The following DPY19L2 variants were observed in gnomAD, a reference collection of about 807,000 sequenced individuals.
DPY19L2 encodes the protein dpy-19 like 2.
In DPY19L2, 34 loss-of-function variants were observed where a neutral mutation model predicts 97.9. The observed-to-expected ratio is 0.35, with a 90% CI of 0.26 to 0.46. DPY19L2 has a LOEUF of 0.46. Ranked by LOEUF, DPY19L2 falls within the 20% of genes least tolerant of loss-of-function variation. DPY19L2 has a pLI of 1.00. For synonymous variants in DPY19L2, 230 were observed against 307.9 expected (o/e 0.75, Z 2.65); for missense variants, 623 against 911.4 (o/e 0.68, Z 4.07).
intron 21 of DPY19L2, among the ~76,000 whole-genome samples, chr12:63,567,947 A>G (rs1032738200): frequency 7.9e-5 from 12 of 151,898 alleles, no homozygotes; most frequent in Non-Finnish European, 1.3e-4. Flanking sequence ...TGTGACTATA[A>G]TGTTCCTTGC....
In DPY19L2 at chr12:63,619,337, C is replaced by T. The variant is rs962836710; in HGVS notation, c.1054-1109G>A. Among the ~76,000 whole-genome samples the T allele has an allele frequency of 7.2e-5, 11 of 151,922 alleles. No individual in the cohort carries two copies. In the South Asian group the frequency reaches 8.3e-4, roughly 11 times the overall value. ...ATTAACTAATTTTAACCTTAATCTA[C>T]GAAAAACACAATTAAGAATAAAATC... On this transcript the variant is annotated intron_variant, in intron 9 of 21. Coordinates refer to ENST00000324472, the MANE Select transcript of DPY19L2 (RefSeq NM_173812.5).
At position 63,559,892 on chromosome 12, in the gene DPY19L2, T is replaced by C. The variant is rs1044002044; in HGVS notation, c.*620A>G. 2.6e-5 allele frequency: 4 copies of C among 152,022 alleles called. No individual in the cohort carries two copies. Among genetic ancestry groups the C allele is most frequent in the African/African-American group, 4.8e-5 (2 of 41,384 alleles). The allele number at this position is 152,022 out of a possible 1,614,324, so 9.4% of individuals were successfully genotyped here. The stretch of plus-strand genomic sequence containing the variant: ...ATATGTATCTAGTGGGGTAAACACA[T>C]CTCAAGAGATTCAAAACATTACAAA... On this transcript the variant is annotated 3_prime_UTR_variant, in exon 22 of 22. Coordinates refer to ENST00000324472, the MANE Select transcript of DPY19L2 (RefSeq NM_173812.5).
At position 63,624,073 on chromosome 12, in the gene DPY19L2, A is replaced by T; in HGVS notation, c.920T>A (p.Val307Glu). The change falls in exon 8 of 22, where the codon GTA becomes GAA. Residue 307 changes from valine (V) to glutamate (E), a missense_variant. Physicochemically the swap from Val to Glu is moderately radical, Grantham distance 121 (BLOSUM62 -2). Coordinates refer to ENST00000324472, the MANE Select transcript of DPY19L2 (RefSeq NM_173812.5). ...LRESFSYPFL[V>E]LQMCILTLIL... is the part of the protein sequence containing the mutation. ...CAAAGTTAAAATACACATCTGAAGT[A>T]CAAGGAAAGGATAGGAAAAACTTTC... is the stretch of plus-strand genomic sequence containing the variant. 1.2e-6 allele frequency: 2 copies of T among 1,611,732 alleles called. No individual in the cohort carries two copies. The highest frequency in any genetic ancestry group is 1.7e-6 in the Non-Finnish European group (2 of 1,179,592).
rs189870278 is a variant in DPY19L2 at position 63,589,946 on chromosome 12, T to C, written c.1580+4141A>G. Among the ~76,000 whole-genome samples the C allele has an allele frequency of 5.3e-5, 8 of 152,242 alleles. No homozygotes were observed. In the East Asian group the frequency reaches 1.2e-3, roughly 22 times the overall value. ...GAGTTCGAGACCAGCCTGGCCAACATGGCAAACCCTGTCTCTACTAAAAAT... is the reference window on the plus strand; with the variant it reads ...GAGTTCGAGACCAGCCTGGCCAACACGGCAAACCCTGTCTCTACTAAAAAT... On this transcript the variant is annotated intron_variant, in intron 16 of 21. Transcript: ENST00000324472.
chr12:63,624,697 G>A (rs2137839778), intron 7 of DPY19L2, among the ~76,000 whole-genome samples: 1 of 152,268 alleles, frequency 6.6e-6, no homozygotes, highest in East Asian at 1.9e-4. Flanking sequence ...AACTACAAAT[G>A]TGATGCAAGT....
At chr12:63,642,151 A>G (rs908844075) in intron 6 of DPY19L2, among the ~76,000 whole-genome samples, 1 of 152,094 alleles carries the variant, frequency 6.6e-6, no homozygotes, top group Admixed American at 6.6e-5. Context: ...AAGGACAGAG[A>G]TCTCTGTCCT....
chr12:63,637,055 T>C (rs1891844648), intron 6 of DPY19L2, among the ~76,000 whole-genome samples: 1 of 152,060 alleles, frequency 6.6e-6, no homozygotes, highest in Non-Finnish European at 1.5e-5. Flanking sequence ...CCTCAGCAAA[T>C]GTAAAAGAAC....
chr12:63,560,725 A>G lies in DPY19L2; in HGVS notation c.2127-63T>C, dbSNP rs74529468. The G allele has an allele frequency of 5.4e-3, 8,459 of 1,565,160 alleles. 206 individuals are homozygous for G. In the Admixed American group the frequency reaches 0.067, roughly 12 times the overall value. Reference sequence around the variant, plus strand: ...GTATTGCTGTCTAGAGACAATAGATACATAACATCTAGATTTTCAGAGACA... The same window carrying G: ...GTATTGCTGTCTAGAGACAATAGATGCATAACATCTAGATTTTCAGAGACA... On this transcript the variant is annotated intron_variant, in intron 21 of 21. Transcript: ENST00000324472.
intron 4 of DPY19L2, among the ~76,000 whole-genome samples, chr12:63,647,842 T>C (rs1893637222): frequency 6.6e-6 from 1 of 152,194 alleles, no homozygotes; most frequent in Non-Finnish European, 1.5e-5. Flanking sequence ...AAATGTACCA[T>C]AACTTATATG....
intron 4 of DPY19L2, among the ~76,000 whole-genome samples, chr12:63,655,897 A>ACC (rs1397732119): frequency 6.6e-6 from 1 of 152,126 alleles, no homozygotes; most frequent in East Asian, 1.9e-4. Flanking sequence ...ACCCTTGCTA[A>ACC]CCCATACTAG....
chr12:63,593,502 A>C (rs1203844936), intron 16 of DPY19L2, among the ~76,000 whole-genome samples: 18 of 152,288 alleles, frequency 1.2e-4, no homozygotes, highest in African/African-American at 3.9e-4. Context: ...GACATGGATG[A>C]AATTGGAAAT....
intron 19 of DPY19L2, 145 bp from the exon 20 acceptor site, chr12:63,571,002 A>G: frequency 1.3e-6 from 1 of 769,308 alleles, no homozygotes; most frequent in Non-Finnish European, 2.0e-6. Context: ...TTGACTCAAT[A>G]GTTATTCATT....
At chr12:63,638,309 T>C (rs1403203728) in intron 6 of DPY19L2, among the ~76,000 whole-genome samples, 1 of 152,178 alleles carries the variant, frequency 6.6e-6, no homozygotes, top group African/African-American at 2.4e-5. Context: ...AAGACAGGGT[T>C]GCCCTCTCTC....
At chr12:63,634,496 G>A (rs377061526) in intron 6 of DPY19L2, among the ~76,000 whole-genome samples, 88 of 152,270 alleles carry the variant, frequency 5.8e-4, no homozygotes, top group African/African-American at 1.8e-3. Flanking sequence ...CACCTCACCC[G>A]GGAAGCACAA....
At chr12:63,577,957 A>G (rs948671006) in intron 19 of DPY19L2, among the ~76,000 whole-genome samples, 3 of 152,130 alleles carry the variant, frequency 2.0e-5, no homozygotes, top group Admixed American at 2.0e-4. Flanking sequence ...TACCCCAAAG[A>G]AAGGAAATAA....
Position 63,668,397 on chromosome 12 carries a change from C to G in DPY19L2, c.-4G>C. 1 of 1,604,088 alleles carries G rather than the reference C, an allele frequency of 6.2e-7. No individual in the cohort carries two copies. Among genetic ancestry groups the G allele is most frequent in the Non-Finnish European group, 8.5e-7 (1 of 1,175,552 alleles). The stretch of plus-strand genomic sequence containing the variant: ...AGCTTACTCCTTGTTTTCTCATAAT[C>G]AAGGAGTATGGTGGAGCTGGGTCAA... On this transcript the variant is annotated 5_prime_UTR_variant, in exon 1 of 22. Coordinates refer to ENST00000324472, the MANE Select transcript of DPY19L2 (RefSeq NM_173812.5).
chr12:63,599,700 C>T (rs186174361), intron 13 of DPY19L2, among the ~76,000 whole-genome samples: 2,662 of 152,140 alleles, frequency 0.017, 44 homozygotes, highest in Non-Finnish European at 0.03. Context: ...TTTCTATTCC[C>T]TAAACCAGTT....
chr12:63,582,338 C>T, intron 18 of DPY19L2, 68 bp downstream of exon 18: 1 of 1,485,968 alleles, frequency 6.7e-7, no homozygotes, highest in East Asian at 2.4e-5. Context: ...GTCAGCAAAG[C>T]CACAGTAACT....
intron 6 of DPY19L2, among the ~76,000 whole-genome samples, chr12:63,639,720 T>G (rs1322318801): frequency 6.6e-6 from 1 of 152,162 alleles, no homozygotes; most frequent in African/African-American, 2.4e-5. Context: ...GGAGAGGATG[T>G]GGAGAAATAG....
Sources: allele counts gnomAD v4.1 joint callset (sites outside exome capture counted in the v4.1 genomes callset), GRCh38; gene constraint gnomAD v4.1.1; transcripts MANE v1.5; gene names NCBI Gene and HGNC (gene_info 2026-07-23, HGNC 2026-07-21).